The following IARS1 variants were observed in gnomAD, a reference collection of about 807,000 sequenced individuals.
The protein encoded by IARS1 is isoleucine--tRNA ligase, cytoplasmic.
A neutral mutation model predicts 168.2 loss-of-function variants in IARS1; 124 were observed. That is an observed-to-expected ratio of 0.74 (90% CI 0.64 to 0.86). The LOEUF is 0.86. Ranked by LOEUF, IARS1 falls within the 40% of genes least tolerant of loss-of-function variation. The probability of loss-of-function intolerance (pLI) is 0.00; values close to 1 mark genes in which losing one functional copy is unlikely to be tolerated. For synonymous variants in IARS1, 532 were observed against 529.4 expected (o/e 1.00, Z -0.07); for missense variants, 1,452 against 1,515.8 (o/e 0.96, Z 0.70).
chr9:92,247,179 G>A (rs1033716331), intron 26 of IARS1, among the ~76,000 whole-genome samples, 198 bp downstream of exon 26: 4 of 152,102 alleles, frequency 2.6e-5, no homozygotes, highest in Non-Finnish European at 4.4e-5. Flanking sequence ...GGATGACAGA[G>A]CGAGATTCTG....
intron 33 of IARS1, among the ~76,000 whole-genome samples, chr9:92,217,378 G>A (rs1199607612): frequency 2.2e-5 from 3 of 139,468 alleles, no homozygotes; most frequent in Admixed American, 7.0e-5. Context: ...AAAAGCAAGA[G>A]CAAACACATT....
intron 2 of IARS1, 84 bp from the exon 3 acceptor site, chr9:92,288,366 G>T: frequency 8.6e-7 from 1 of 1,158,728 alleles, no homozygotes; most frequent in Non-Finnish European, 1.3e-6. Context: ...TTGTCATAGT[G>T]GAGTCTTCAA....
At chr9:92,262,680 TTAAA>T (rs1326303649) in intron 17 of IARS1, among the ~76,000 whole-genome samples, 2 of 152,282 alleles carry the variant, frequency 1.3e-5, no homozygotes, top group Middle Eastern at 3.4e-3. Context: ...GATGTACAGA[TTAAA>T]TAAGATCTAT....
At chr9:92,281,575 A>G (rs1046212164) in intron 6 of IARS1, among the ~76,000 whole-genome samples, 9 of 152,204 alleles carry the variant, frequency 5.9e-5, no homozygotes, top group African/African-American at 2.2e-4. Context: ...TGCCCAAAAT[A>G]CCAAAAAGAT....
Position 92,292,181 on chromosome 9 carries a change from C to CTTTTTTTTTTTTT in IARS1, c.-8+1417_-8+1429dup, listed in dbSNP as rs57075703. Among the ~76,000 whole-genome samples the CTTTTTTTTTTTTT allele has an allele frequency of 1.4e-3, 164 of 117,988 alleles. 1 individual carries two copies. Among genetic ancestry groups the CTTTTTTTTTTTTT allele is most frequent in the African/African-American group, 5.0e-3 (157 of 31,530 alleles). 77.4% of individuals were successfully genotyped at this position (117,988 alleles called of 152,430 possible). A position where few individuals can be genotyped will look rare whatever the true frequency, so the allele number is the denominator to read the frequency against. On this transcript the variant is annotated intron_variant, in intron 1 of 33. Transcript: ENST00000443024. Reference sequence around the variant, plus strand: ...TACAGGTGTGCACCACCACACTCAGCTTTTTTTTTTTTTTTTTTTGGTGGG... The same window carrying CTTTTTTTTTTTTT: ...TACAGGTGTGCACCACCACACTCAGCTTTTTTTTTTTTTTTTTTTTTTTTTTTTTTTTGGTGGG...
chr9:92,265,919 A>T (rs2133833771), intron 14 of IARS1, among the ~76,000 whole-genome samples: 1 of 152,290 alleles, frequency 6.6e-6, no homozygotes, highest in East Asian at 1.9e-4. Context: ...TCAGCCTCCC[A>T]AAGTGCTGCG....
chr9:92,291,896 T>C (rs1327934295), intron 1 of IARS1, among the ~76,000 whole-genome samples: 1 of 152,180 alleles, frequency 6.6e-6, no homozygotes, highest in East Asian at 1.9e-4. Context: ...GGGATGAGCA[T>C]TCACATCAAA....
intron 27 of IARS1, among the ~76,000 whole-genome samples, chr9:92,243,960 A>G (rs1473383773): frequency 6.6e-6 from 1 of 152,216 alleles, no homozygotes; most frequent in African/African-American, 2.4e-5. Context: ...TATACTCTAC[A>G]AAAGACTTGT....
chr9:92,257,314 T>G (rs1357759606), intron 19 of IARS1, among the ~76,000 whole-genome samples: 1 of 152,250 alleles, frequency 6.6e-6, no homozygotes. Flanking sequence ...CTGCTTTGTT[T>G]CTCTGGCAGC....
chr9:92,265,583 C>T (rs1384015385), intron 14 of IARS1, 30 bp from the exon 15 acceptor site: 16 of 1,539,740 alleles, frequency 1.0e-5, no homozygotes, highest in Non-Finnish European at 1.3e-5. Context: ...ATAGCAGGAG[C>T]TCCTTAGAGC....
At chr9:92,274,845 T>C (rs2133899999) in intron 9 of IARS1, among the ~76,000 whole-genome samples, 1 of 152,328 alleles carries the variant, frequency 6.6e-6, no homozygotes, top group East Asian at 1.9e-4. Flanking sequence ...GGATACAGTC[T>C]CAGAAAGCAT....
chr9:92,265,673 T>A, intron 14 of IARS1, 120 bp from the exon 15 acceptor site: 1 of 827,218 alleles, frequency 1.2e-6, no homozygotes, highest in Non-Finnish European at 2.0e-6. Context: ...TCCTTTTTTT[T>A]TGAGATAGGG....
chr9:92,253,332 T>C, intron 21 of IARS1, 30 bp downstream of exon 21: 1 of 1,385,194 alleles, frequency 7.2e-7, no homozygotes, highest in Non-Finnish European at 1.0e-6. Flanking sequence ...CATACACTTT[T>C]TGCTTTTCCC....
chr9:92,229,164 T>A (rs1202740244), intron 30 of IARS1, 38 bp from the exon 31 acceptor site: 1 of 1,594,218 alleles, frequency 6.3e-7, no homozygotes, highest in Non-Finnish European at 8.5e-7. Context: ...ATCAGACAAA[T>A]AAAACTAAAA....
chr9:92,278,326 T>C, intron 7 of IARS1, 40 bp from the exon 8 acceptor site: 2 of 1,350,848 alleles, frequency 1.5e-6, no homozygotes, highest in Non-Finnish European at 2.1e-6. Context: ...GGTTATATTC[T>C]GAACTTGGCT....
At chr9:92,262,841 C>T in intron 17 of IARS1, 128 bp downstream of exon 17, 1 of 686,058 alleles carries the variant, frequency 1.5e-6, no homozygotes, top group Admixed American at 2.2e-5. Context: ...GTCACACACT[C>T]CTTCTTGAGA....
chr9:92,271,577 A>G lies in IARS1; in HGVS notation c.1069T>C (p.Cys357Arg). 1.2e-6 allele frequency: 2 copies of G among 1,614,142 alleles called. No homozygotes were observed. The highest frequency in any genetic ancestry group is 1.7e-6 in the Non-Finnish European group (2 of 1,179,976). ...LPVCPVDASGCFTTEVTDFAG... is the reference protein window; with the variant it reads ...LPVCPVDASGRFTTEVTDFAG... The stretch of plus-strand genomic sequence containing the variant: ...AAATCTGTCACCTCCGTTGTGAAGC[A>G]GCCTGAAGCATCCACAGGGCAAACA... The change falls in exon 11 of 34, where the codon TGC becomes CGC. Residue 357 changes from cysteine (C) to arginine (R), a missense_variant. Coordinates refer to ENST00000443024, the MANE Select transcript of IARS1 (RefSeq NM_002161.6).
intron 33 of IARS1, among the ~76,000 whole-genome samples, chr9:92,220,958 AG>A (rs1278782812): frequency 6.6e-6 from 1 of 152,124 alleles, no homozygotes; most frequent in African/African-American, 2.4e-5. Flanking sequence ...AACAAGACCA[AG>A]TCTCAAAAAC....
chr9:92,286,796 G>A (rs775479206), intron 4 of IARS1, among the ~76,000 whole-genome samples, 178 bp from the exon 5 acceptor site: 17 of 151,954 alleles, frequency 1.1e-4, no homozygotes, highest in Admixed American at 3.9e-4. Context: ...CAGTTTTCTC[G>A]GCATTCATCC....
Sources: gnomAD v4.1 joint callset for allele counts (sites outside exome capture counted in the v4.1 genomes callset) on GRCh38, gnomAD v4.1.1 for gene constraint, MANE v1.5 for transcripts, NCBI Gene and HGNC (gene_info 2026-07-23, HGNC 2026-07-21) for gene names.